Variants in KISS1 observed in about 807,000 individuals in gnomAD.
KISS1 encodes the protein KiSS-1 metastasis suppressor, also known as metastasis-suppressor KiSS-1.
For missense variants in KISS1, 182 were observed against 182.7 expected (o/e 1.00, Z 0.02); for synonymous variants, 97 against 88.7 (o/e 1.09, Z -0.52).
chr1:204,193,723 A>C (rs1000883887), intron 1 of KISS1, among the ~76,000 whole-genome samples: 1 of 152,148 alleles, frequency 6.6e-6, no homozygotes, highest in African/African-American at 2.4e-5. Flanking sequence ...AATTGGCCTC[A>C]TCATTTTGGC....
chr1:204,190,409 T>TCCCCCCC lies in KISS1; in HGVS notation c.*74_*75insGGGGGGG, dbSNP rs1553307861. 4.1e-3 allele frequency: 2,365 copies of TCCCCCCC among 571,562 alleles called. 105 individuals carry two copies. The highest frequency in any genetic ancestry group is 0.012 in the Admixed American group (495 of 40,728). 35.4% of individuals were successfully genotyped at this position (571,562 alleles called of 1,614,324 possible). On this transcript the variant is annotated 3_prime_UTR_variant, in exon 3 of 3. Coordinates refer to ENST00000367194, the MANE Select transcript of KISS1 (RefSeq NM_002256.4). ...CAGCGCCCCCTCCCTTAGCCCTACG[T>TCCCCCCC]CCCCGCCCCCCGCCCCCGCCCCGCA...
At chr1:204,195,287 C>CACACACATAT (rs1558254746) in intron 1 of KISS1, among the ~76,000 whole-genome samples, 4 of 21,470 alleles carry the variant, frequency 1.9e-4, no homozygotes, top group African/African-American at 3.6e-4. Flanking sequence ...CCACACACAC[C>CACACACATAT]ACACACATAC....
intron 2 of KISS1, among the ~76,000 whole-genome samples, chr1:204,191,694 C>T (rs1365273003): frequency 9.2e-5 from 14 of 152,214 alleles, no homozygotes; most frequent in Admixed American, 8.5e-4. Flanking sequence ...CTGGCACAGT[C>T]TGGAAAAGAG....
At position 204,190,724 on chromosome 1, in the gene KISS1, A is replaced by G; in HGVS notation, c.177T>C (p.Ala59=). 2 of 1,609,186 alleles carry G rather than the reference A, an allele frequency of 1.2e-6. No individual in the cohort carries two copies. Among genetic ancestry groups the G allele is most frequent in the Non-Finnish European group, 1.7e-6 (2 of 1,178,896 alleles). The change falls in exon 3 of 3, where the codon GCT becomes GCC. Residue 59 remains alanine (A), a synonymous_variant. Coordinates refer to ENST00000367194, the MANE Select transcript of KISS1 (RefSeq NM_002256.4). The stretch of plus-strand genomic sequence containing the variant: ...CCCGACGGCTCAGCCTGGCAGTAGC[A>G]GCTGGCTTCCTCTCGGTGCACGGCA... The part of the protein sequence containing the change: ...QSLPCTERKP[A]ATARLSRRGT...
Position 204,192,668 on chromosome 1 carries a change from A to G in KISS1, c.103+106T>C. 1.3e-6 allele frequency: 1 copy of G among 748,930 alleles called. No homozygotes were observed. 46.4% of individuals were successfully genotyped at this position (748,930 alleles called of 1,614,324 possible). The stretch of plus-strand genomic sequence containing the variant: ...TGTGCCAGTCTTAGATTTCCACCAA[A>G]TGCAATGTTAAACTCACACCAGTCG... On this transcript the variant is annotated intron_variant, in intron 2 of 2. Coordinates refer to ENST00000367194, the MANE Select transcript of KISS1 (RefSeq NM_002256.4). The surrounding 1 kb of genome is among the most constrained non-coding windows in gnomAD (Gnocchi z 4.2).
Position 204,190,607 on chromosome 1 carries a change from C to G in KISS1, c.294G>C (p.Gln98His). ...APHSRQIPAP[Q>H]GAVLVQREKD... ...TCTCCCGCTGCACCAGCACCGCGCC[C>G]TGGGGTGCGGGGATCTGGCGGCTGT... is the stretch of plus-strand genomic sequence containing the variant. The change falls in exon 3 of 3, where the codon CAG (glutamine) becomes CAC (histidine). Residue 98 changes from glutamine (Q) to histidine (H), a missense_variant. Coordinates refer to ENST00000367194, the MANE Select transcript of KISS1 (RefSeq NM_002256.4). 6.3e-7 allele frequency: 1 copy of G among 1,592,318 alleles called. No individual in the cohort carries two copies. The highest frequency in any genetic ancestry group is 8.5e-7 in the Non-Finnish European group (1 of 1,169,734).
intron 1 of KISS1, among the ~76,000 whole-genome samples, chr1:204,196,071 G>A (rs112260013): frequency 1.0e-3 from 153 of 152,344 alleles, no homozygotes; most frequent in African/African-American, 3.5e-3. Flanking sequence ...ATCCAAGCGT[G>A]TCTGTGGTCT....
In KISS1 at chr1:204,190,588, G is replaced by A; in HGVS notation, c.313C>T (p.Arg105Trp). The part of the protein sequence containing the change: ...PAPQGAVLVQ[R>W]EKDLPNYNWN... The stretch of plus-strand genomic sequence containing the variant: ...TTGTAGTTCGGCAGGTCCTTCTCCC[G>A]CTGCACCAGCACCGCGCCCTGGGGT... Residue 105 changes from arginine (R) to tryptophan (W), a missense_variant, in exon 3 of 3, where the codon CGG becomes TGG. Coordinates refer to ENST00000367194, the MANE Select transcript of KISS1 (RefSeq NM_002256.4). 12 of 1,599,588 alleles carry A rather than the reference G, an allele frequency of 7.5e-6. No individual in the cohort carries two copies. Among genetic ancestry groups the A allele is most frequent in the Non-Finnish European group, 1.0e-5 (12 of 1,173,564 alleles).
rs12097666 is a variant in KISS1 at position 204,193,084 on chromosome 1, T to C, written c.-38-170A>G. On this transcript the variant is annotated intron_variant, in intron 1 of 2. Coordinates refer to ENST00000367194, the MANE Select transcript of KISS1 (RefSeq NM_002256.4). The stretch of plus-strand genomic sequence containing the variant: ...AAACAAATATATCAGTGAAATGGGA[T>C]TGAGACTCTTTACACAGTGTAGTTA... 0.29 allele frequency among the ~76,000 whole-genome samples: 44,310 copies of C among 152,040 alleles called. 6,764 individuals carry two copies. The highest frequency in any genetic ancestry group is 0.43 in the East Asian group (2,233 of 5,166).
At chr1:204,191,455 C>G (rs533869266) in intron 2 of KISS1, among the ~76,000 whole-genome samples, 5 of 149,206 alleles carry the variant, frequency 3.4e-5, no homozygotes, top group African/African-American at 1.2e-4. Flanking sequence ...GGTATAACTT[C>G]TCTCCTTCAT....
chr1:204,194,655 A>G (rs1191199134), intron 1 of KISS1, among the ~76,000 whole-genome samples: 1 of 152,224 alleles, frequency 6.6e-6, no homozygotes, highest in African/African-American at 2.4e-5. Flanking sequence ...TGAATCCACA[A>G]GGGGATATGG....
In KISS1 at chr1:204,190,414, GCC is replaced by G; in HGVS notation, c.*68_*69del. 4 of 534,560 alleles carry G rather than the reference GCC, an allele frequency of 7.5e-6. No homozygotes were observed. Among genetic ancestry groups the G allele is most frequent in the Non-Finnish European group, 1.3e-5 (4 of 314,842 alleles). 33.1% of individuals were successfully genotyped at this position (534,560 alleles called of 1,614,324 possible). A position where few individuals can be genotyped will look rare whatever the true frequency, so the allele number is the denominator to read the frequency against. On this transcript the variant is annotated 3_prime_UTR_variant, in exon 3 of 3. Transcript: ENST00000367194. ...CCCCCTCCCTTAGCCCTACGTCCCCGCCCCCCGCCCCCGCCCCGCATGCTCTG... is the reference window on the plus strand; with the variant it reads ...CCCCCTCCCTTAGCCCTACGTCCCCGCCCCGCCCCCGCCCCGCATGCTCTG...
chr1:204,195,204 C>G (rs1658817713), intron 1 of KISS1, among the ~76,000 whole-genome samples: 1 of 150,756 alleles, frequency 6.6e-6, no homozygotes, highest in Non-Finnish European at 1.5e-5. Context: ...ACACCACACA[C>G]ATATATACGC....
At chr1:204,196,182 C>T (rs936235507) in intron 1 of KISS1, among the ~76,000 whole-genome samples, 194 bp downstream of exon 1, 3 of 152,228 alleles carry the variant, frequency 2.0e-5, no homozygotes, top group African/African-American at 4.8e-5. Context: ...TAAAGTGCGA[C>T]TCAGTGTATT....
In KISS1 at chr1:204,190,409, T is replaced by TCCCCCCCCCCCCCCCCCCCCCC; in HGVS notation, c.*74_*75insGGGGGGGGGGGGGGGGGGGGGG. 13 of 570,068 alleles carry TCCCCCCCCCCCCCCCCCCCCCC rather than the reference T, an allele frequency of 2.3e-5. 1 individual carries two copies. The highest frequency in any genetic ancestry group is 3.7e-5 in the East Asian group (1 of 26,790). 35.3% of individuals were successfully genotyped at this position (570,068 alleles called of 1,614,324 possible). A position where few individuals can be genotyped will look rare whatever the true frequency, so the allele number is the denominator to read the frequency against. The stretch of plus-strand genomic sequence containing the variant: ...CAGCGCCCCCTCCCTTAGCCCTACG[T>TCCCCCCCCCCCCCCCCCCCCCC]CCCCGCCCCCCGCCCCCGCCCCGCA... On this transcript the variant is annotated 3_prime_UTR_variant, in exon 3 of 3. Coordinates refer to ENST00000367194, the MANE Select transcript of KISS1 (RefSeq NM_002256.4).
intron 1 of KISS1, among the ~76,000 whole-genome samples, chr1:204,195,389 TGC>T (rs1658835894): frequency 1.5e-4 from 18 of 116,744 alleles, no homozygotes; most frequent in South Asian, 6.0e-4. Flanking sequence ...ACACACATCA[TGC>T]ACACACACCA....
At position 204,192,716 on chromosome 1, in the gene KISS1, G is replaced by T; in HGVS notation, c.103+58C>A. The T allele has an allele frequency of 9.7e-7, 1 of 1,033,260 alleles. No homozygotes were observed. Among genetic ancestry groups the T allele is most frequent in the Non-Finnish European group, 1.5e-6 (1 of 671,228 alleles). The allele number at this position is 1,033,260 out of a possible 1,614,324, so 64.0% of individuals were successfully genotyped here. On this transcript the variant is annotated intron_variant, in intron 2 of 2. Transcript: ENST00000367194. The surrounding 1 kb of genome is among the most constrained non-coding windows in gnomAD (Gnocchi z 4.2). ...TCGACTAGATGGAAAATACGGGAAAGCTCATTTTGCAACAACCCACTTGCT... is the reference window on the plus strand; with the variant it reads ...TCGACTAGATGGAAAATACGGGAAATCTCATTTTGCAACAACCCACTTGCT...
chr1:204,190,833 C>G, intron 2 of KISS1, 36 bp from the exon 3 acceptor site: 1 of 1,568,880 alleles, frequency 6.4e-7, no homozygotes, highest in South Asian at 1.1e-5. Flanking sequence ...AGGCCGGGGT[C>G]CGGGAAAGAT....
chr1:204,190,407 C>CGGGG lies in KISS1; in HGVS notation c.*76_*77insCCCC. ...TCCAGCGCCCCCTCCCTTAGCCCTA[C>CGGGG]GTCCCCGCCCCCCGCCCCCGCCCCG... On this transcript the variant is annotated 3_prime_UTR_variant, in exon 3 of 3. Transcript: ENST00000367194. 1.3e-6 allele frequency: 1 copy of CGGGG among 779,254 alleles called. No homozygotes were observed. Among genetic ancestry groups the CGGGG allele is most frequent in the Non-Finnish European group, 2.0e-6 (1 of 493,566 alleles). 48.3% of individuals were successfully genotyped at this position (779,254 alleles called of 1,614,324 possible).
Sources: gnomAD v4.1 joint callset for allele counts (sites outside exome capture counted in the v4.1 genomes callset) on GRCh38, gnomAD v4.1.1 for gene constraint, Gnocchi (gnomAD v3.1) non-coding constraint, MANE v1.5 for transcripts, NCBI Gene and HGNC (gene_info 2026-07-23, HGNC 2026-07-21) for gene names.